Variants in KIF16B observed in about 807,000 individuals in gnomAD.
KIF16B encodes the protein kinesin-like protein KIF16B.
KIF16B carries 98 observed loss-of-function variants against 156.3 expected under a neutral mutation model. The ratio of observed to expected loss-of-function variants is 0.63; its 90% CI spans 0.53 to 0.74. The LOEUF (loss-of-function observed/expected upper bound fraction) is 0.74, where lower values mean the gene tolerates loss of function less well. Among genes scored for constraint, KIF16B ranks in the 30% least tolerant of loss-of-function variants. The pLI is 0.00. For synonymous variants in KIF16B, 564 were observed against 583.7 expected (o/e 0.97, Z 0.49); for missense variants, 1,421 against 1,606.5 (o/e 0.88, Z 1.97).
intron 17 of KIF16B, among the ~76,000 whole-genome samples, chr20:16,383,154 A>G (rs1168016166): frequency 2.0e-5 from 3 of 152,138 alleles, no homozygotes; most frequent in African/African-American, 4.8e-5. Flanking sequence ...TTTTTTAGGC[A>G]GAACTGAGTA....
At chr20:16,564,305 G>A (rs962224549) in intron 1 of KIF16B, among the ~76,000 whole-genome samples, 6 of 152,154 alleles carry the variant, frequency 3.9e-5, no homozygotes, top group Non-Finnish European at 8.8e-5. Context: ...TGGTGTATAT[G>A]TGCCACATTT....
At chr20:16,503,740 G>A (rs905340920) in intron 10 of KIF16B, among the ~76,000 whole-genome samples, 3 of 152,066 alleles carry the variant, frequency 2.0e-5, no homozygotes, top group African/African-American at 4.8e-5. Flanking sequence ...CAATCATCAC[G>A]GAATGTAACT....
chr20:16,478,100 G>A (rs1314656227), intron 12 of KIF16B, among the ~76,000 whole-genome samples: 1 of 152,168 alleles, frequency 6.6e-6, no homozygotes, highest in African/African-American at 2.4e-5. Flanking sequence ...GTGAACAGGA[G>A]AGAGCTGGAG....
At chr20:16,520,017 C>T (rs904745120) in intron 3 of KIF16B, among the ~76,000 whole-genome samples, 5 of 152,122 alleles carry the variant, frequency 3.3e-5, no homozygotes, top group Admixed American at 1.3e-4. Context: ...CCACAGTCTT[C>T]GCAACTCGCA....
intron 23 of KIF16B, among the ~76,000 whole-genome samples, chr20:16,353,412 G>A (rs1267061726): frequency 6.6e-6 from 1 of 152,090 alleles, no homozygotes; most frequent in Non-Finnish European, 1.5e-5. Context: ...AAACATAATT[G>A]TACATCAAAA....
At chr20:16,376,491 CG>C (rs2036752403) in intron 19 of KIF16B, among the ~76,000 whole-genome samples, 1 of 152,108 alleles carries the variant, frequency 6.6e-6, no homozygotes, top group South Asian at 2.1e-4. Flanking sequence ...CTGGCTTAGC[CG>C]TGAGAACCCT....
rs141851207 is a variant in KIF16B, at chr20:16,312,446, A to T, written c.3712-28T>A. ...GAAATAGACATTTTAAAAGACATGC[A>T]TTAATAGCATACCTGTTAATTGTTG... is the stretch of plus-strand genomic sequence containing the variant. On this transcript the variant is annotated intron_variant, in intron 24 of 25. Coordinates refer to ENST00000354981, the MANE Select transcript of KIF16B (RefSeq NM_024704.5). The T allele has an allele frequency of 7.8e-6, 11 of 1,416,846 alleles. No individual in the cohort carries two copies. The South Asian group carries it at 1.2e-4, about 15-fold the overall frequency. The allele number at this position is 1,416,846 out of a possible 1,614,324, so 87.8% of individuals were successfully genotyped here. A position where few individuals can be genotyped will look rare whatever the true frequency, so the allele number is the denominator to read the frequency against.
intron 12 of KIF16B, among the ~76,000 whole-genome samples, chr20:16,456,122 C>T (rs1472468961): frequency 6.6e-6 from 1 of 151,744 alleles, no homozygotes; most frequent in African/African-American, 2.4e-5. Context: ...CAATACAATA[C>T]AATACAATAC....
At chr20:16,528,235 G>A (rs2069620353) in intron 2 of KIF16B, 136 bp downstream of exon 2, 2 of 647,516 alleles carry the variant, frequency 3.1e-6, no homozygotes, top group Non-Finnish European at 5.4e-6. Flanking sequence ...CAAGCCAGGT[G>A]CAAGCTGACG....
chr20:16,538,570 T>C (rs2070068823), intron 1 of KIF16B, among the ~76,000 whole-genome samples: 1 of 152,038 alleles, frequency 6.6e-6, no homozygotes, highest in Admixed American at 6.5e-5. Context: ...CTGGAGTACA[T>C]ATACTTAGTT....
intron 1 of KIF16B, among the ~76,000 whole-genome samples, chr20:16,566,390 A>C (rs972040319): frequency 6.6e-6 from 1 of 152,222 alleles, no homozygotes; most frequent in Non-Finnish European, 1.5e-5. Flanking sequence ...TGGTAAATAA[A>C]AGTTCACCAT....
intron 12 of KIF16B, among the ~76,000 whole-genome samples, chr20:16,470,772 C>T (rs2067641490): frequency 2.0e-5 from 3 of 151,646 alleles, no homozygotes; most frequent in Non-Finnish European, 2.9e-5. Context: ...GTTGGGATTA[C>T]AGGCATGAAC....
chr20:16,351,045 C>A (rs980620579), intron 23 of KIF16B, among the ~76,000 whole-genome samples: 1 of 151,836 alleles, frequency 6.6e-6, no homozygotes, highest in Non-Finnish European at 1.5e-5. Context: ...AGGGGAGTAC[C>A]CCTGGTGACA....
intron 25 of KIF16B, among the ~76,000 whole-genome samples, chr20:16,293,286 T>A (rs1167693920): frequency 6.6e-6 from 1 of 152,178 alleles, no homozygotes. Context: ...CTATAAAGGC[T>A]GCTCTATGGG....
chr20:16,398,281 C>T (rs1189918180), intron 17 of KIF16B, among the ~76,000 whole-genome samples: 2 of 152,110 alleles, frequency 1.3e-5, no homozygotes, highest in Non-Finnish European at 2.9e-5. Context: ...GATAAAGTTC[C>T]GAGTGGAGAG....
At chr20:16,307,215 T>C (rs181892475) in intron 25 of KIF16B, among the ~76,000 whole-genome samples, 1 of 152,314 alleles carries the variant, frequency 6.6e-6, no homozygotes, top group Admixed American at 6.5e-5. Flanking sequence ...ATTTTTTTCA[T>C]TAATTATAGT....
At chr20:16,310,977 CCTT>C (rs1215296132) in intron 25 of KIF16B, among the ~76,000 whole-genome samples, 2 of 152,238 alleles carry the variant, frequency 1.3e-5, no homozygotes, top group African/African-American at 4.8e-5. Flanking sequence ...CCACTTCTCT[CCTT>C]CTGCTCTCAC....
chr20:16,390,329 C>T (rs117888616), intron 17 of KIF16B, among the ~76,000 whole-genome samples: 12 of 152,214 alleles, frequency 7.9e-5, no homozygotes, highest in East Asian at 1.9e-4. Flanking sequence ...AGTTTCTCCC[C>T]GGCCTATTTC....
intron 17 of KIF16B, among the ~76,000 whole-genome samples, chr20:16,389,417 C>T (rs1012840350): frequency 1.3e-5 from 2 of 152,300 alleles, no homozygotes; most frequent in African/African-American, 4.8e-5. Flanking sequence ...CTGGAATGCT[C>T]GGTAGTATTC....
Sources: gnomAD v4.1 joint callset for allele counts (sites outside exome capture counted in the v4.1 genomes callset) on GRCh38, gnomAD v4.1.1 for gene constraint, MANE v1.5 for transcripts, NCBI Gene and HGNC (gene_info 2026-07-23, HGNC 2026-07-21) for gene names.